Variants in KLHL7 observed in about 807,000 individuals in gnomAD.
The protein encoded by KLHL7 is kelch-like protein 7.
In KLHL7, 44 loss-of-function variants were observed where a neutral mutation model predicts 67.4. The observed-to-expected ratio is 0.65, with a 90% CI of 0.51 to 0.84. The LOEUF is 0.84. Ranked by LOEUF, KLHL7 falls within the 40% of genes least tolerant of loss-of-function variation. KLHL7 has a pLI of 0.00. For synonymous variants in KLHL7, 252 were observed against 243.3 expected (o/e 1.04, Z -0.33); for missense variants, 362 against 718.1 (o/e 0.50, Z 5.67).
intron 4 of KLHL7, among the ~76,000 whole-genome samples, chr7:23,133,916 C>T (rs1783886666): frequency 7.9e-5 from 12 of 152,114 alleles, no homozygotes. Flanking sequence ...TTTATTTCTT[C>T]CTTTCTGGTT....
In KLHL7 at chr7:23,167,693, C is replaced by T. The variant is rs1785042391; in HGVS notation, c.1178-143C>T. ...TTAGCGTTTTCTTAAACTATTCCTACACTTTGTTGTTGTTGATTGAGTATG... is the reference window on the plus strand; with the variant it reads ...TTAGCGTTTTCTTAAACTATTCCTATACTTTGTTGTTGTTGATTGAGTATG... On this transcript the variant is annotated intron_variant, in intron 8 of 10. Coordinates refer to ENST00000339077, the MANE Select transcript of KLHL7 (RefSeq NM_001031710.3). The T allele has an allele frequency of 1.4e-5, 10 of 703,932 alleles. 1 individual carries two copies. Among genetic ancestry groups the T allele is most frequent in the South Asian group, 1.1e-4 (7 of 61,362 alleles). The allele number at this position is 703,932 out of a possible 1,614,324, so 43.6% of individuals were successfully genotyped here.
At chr7:23,166,193 A>G (rs1400290004) in intron 8 of KLHL7, among the ~76,000 whole-genome samples, 1 of 152,204 alleles carries the variant, frequency 6.6e-6, no homozygotes, top group East Asian at 1.9e-4. Context: ...AGTTGACATT[A>G]TCTGAATTAT....
chr7:23,120,262 G>T (rs984425529), intron 1 of KLHL7, among the ~76,000 whole-genome samples: 4 of 151,992 alleles, frequency 2.6e-5, no homozygotes, highest in African/African-American at 9.7e-5. Flanking sequence ...TGCCCACCTC[G>T]GCCTTCCAAA....
chr7:23,105,800 A>T lies in KLHL7; in HGVS notation c.-227A>T. On this transcript the variant is annotated 5_prime_UTR_variant, in exon 1 of 11. Transcript: ENST00000339077. ...GGCAGGGCTCGGGTTCTGCCCGGGGACGCAGCCCAGTTGGTAGCGTCGCTC... is the reference window on the plus strand; with the variant it reads ...GGCAGGGCTCGGGTTCTGCCCGGGGTCGCAGCCCAGTTGGTAGCGTCGCTC... 3.4e-6 allele frequency: 2 copies of T among 590,182 alleles called. No individual in the cohort carries two copies. The highest frequency in any genetic ancestry group is 3.0e-6 in the Non-Finnish European group (1 of 337,938). 36.6% of individuals were successfully genotyped at this position (590,182 alleles called of 1,614,324 possible).
Position 23,148,386 on chromosome 7 carries a change from C to G in KLHL7, c.794-3681C>G, listed in dbSNP as rs1383033920. On this transcript the variant is annotated intron_variant, in intron 6 of 10. Transcript: ENST00000339077. ...TACAAATACCTATATTTAAGGGGTA[C>G]AAGAAAATTAAAAAAAAAAAAAAAC... Among the ~76,000 whole-genome samples, 7 of 118,992 alleles carry G rather than the reference C, an allele frequency of 5.9e-5. No homozygotes were observed. The East Asian group carries it at 1.6e-3, about 28-fold the overall frequency. The allele number at this position is 118,992 out of a possible 152,430, so 78.1% of individuals were successfully genotyped here. A position where few individuals can be genotyped will look rare whatever the true frequency, so the allele number is the denominator to read the frequency against.
intron 1 of KLHL7, among the ~76,000 whole-genome samples, chr7:23,120,019 T>G (rs1783265735): frequency 6.6e-6 from 1 of 152,136 alleles, no homozygotes; most frequent in Non-Finnish European, 1.5e-5. Flanking sequence ...TTATTTTATT[T>G]ATTTTATTTT....
At chr7:23,127,368 G>A (rs185783407) in intron 4 of KLHL7, among the ~76,000 whole-genome samples, 4 of 152,256 alleles carry the variant, frequency 2.6e-5, no homozygotes, top group Admixed American at 6.5e-5. Context: ...AGGAAGGACA[G>A]CCCCGCCACC....
rs149801497 is a variant in KLHL7 at position 23,124,190 on chromosome 7, C to CAAAAAAAAAA, written c.223+334_223+343dup. On this transcript the variant is annotated intron_variant, in intron 2 of 10. Transcript: ENST00000339077. The stretch of plus-strand genomic sequence containing the variant: ...TGGGCGTCAGAGCGAGACTCTGTCT[C>CAAAAAAAAAA]AAAAAAAAAAAAAAAAAAAAAAAAA... Among the ~76,000 whole-genome samples, 4 of 25,868 alleles carry CAAAAAAAAAA rather than the reference C, an allele frequency of 1.5e-4. 1 individual carries two copies. Among genetic ancestry groups the CAAAAAAAAAA allele is most frequent in the African/African-American group, 3.2e-4 (2 of 6,294 alleles). 17.0% of individuals were successfully genotyped at this position (25,868 alleles called of 152,430 possible).
At position 23,174,056 on chromosome 7, in the gene KLHL7, G is replaced by A. The variant is rs1288384106; in HGVS notation, c.1519G>A (p.Glu507Lys). Residue 507 changes from glutamate to lysine, a missense_variant, in exon 11 of 11, where the codon GAA becomes AAA. Transcript: ENST00000339077. Reference protein sequence around the residue: ...NVEYYDIKLNEWKMVSPMPWK... With the variant: ...NVEYYDIKLNKWKMVSPMPWK... Reference sequence around the variant, plus strand: ...GGAATATTACGATATTAAGTTGAACGAATGGAAGATGGTCTCACCAATGCC... The same window carrying A: ...GGAATATTACGATATTAAGTTGAACAAATGGAAGATGGTCTCACCAATGCC... The A allele has an allele frequency of 3.1e-6, 5 of 1,613,998 alleles. No individual in the cohort carries two copies. Among genetic ancestry groups the A allele is most frequent in the South Asian group, 1.1e-5 (1 of 91,082 alleles).
intron 7 of KLHL7, 62 bp from the exon 8 acceptor site, chr7:23,165,636 C>T: frequency 6.4e-7 from 1 of 1,566,660 alleles, no homozygotes; most frequent in Non-Finnish European, 8.8e-7. Flanking sequence ...TGTATCTTTG[C>T]ATTGTCCTTT....
chr7:23,116,607 T>G (rs1783099628), intron 1 of KLHL7, among the ~76,000 whole-genome samples: 1 of 152,240 alleles, frequency 6.6e-6, no homozygotes, highest in African/African-American at 2.4e-5. Context: ...TTGTTTTGCT[T>G]GCATACATAT....
At chr7:23,170,510 G>T (rs858267) in intron 9 of KLHL7, among the ~76,000 whole-genome samples, 9,602 of 152,238 alleles carry the variant, frequency 0.063, 466 homozygotes, top group African/African-American at 0.13. Context: ...CAGTAGTACA[G>T]TAGGGAGACT....
At chr7:23,152,452 C>G (rs1784566435) in intron 7 of KLHL7, among the ~76,000 whole-genome samples, 1 of 152,032 alleles carries the variant, frequency 6.6e-6, no homozygotes, top group Non-Finnish European at 1.5e-5. Context: ...AAAAGGGAAA[C>G]TAGTTCTTCC....
intron 4 of KLHL7, chr7:23,125,946 C>T: frequency 6.9e-6 from 8 of 1,151,398 alleles, no homozygotes; most frequent in Non-Finnish European, 1.0e-5. Flanking sequence ...CCTATATATA[C>T]TGTGTTTTTT....
intron 4 of KLHL7, 44 bp downstream of exon 4, chr7:23,125,216 C>A (rs776033121): frequency 6.3e-7 from 1 of 1,590,532 alleles, no homozygotes. Context: ...TTTGTTTTAT[C>A]CTTTATTTCT....
At chr7:23,108,659 C>T (rs1421669659) in intron 1 of KLHL7, among the ~76,000 whole-genome samples, 1 of 152,180 alleles carries the variant, frequency 6.6e-6, no homozygotes, top group Non-Finnish European at 1.5e-5. Context: ...CTTCTAAGGG[C>T]ACTATGCACC....
chr7:23,106,044 G>A lies in KLHL7; in HGVS notation c.18G>A (p.Val6=), dbSNP rs754933316. 6.2e-7 allele frequency: 1 copy of A among 1,610,268 alleles called. No homozygotes were observed. MAASG[V]EKSSKKKTEK... ...GAGGGAGGATGGCAGCCTCTGGGGTGGAGAAGAGCAGCAAGAAGAAGACCG... is the reference window on the plus strand; with the variant it reads ...GAGGGAGGATGGCAGCCTCTGGGGTAGAGAAGAGCAGCAAGAAGAAGACCG... The change falls in exon 1 of 11, where the codon GTG becomes GTA. Residue 6 remains valine, a synonymous_variant. Transcript: ENST00000339077.
intron 4 of KLHL7, among the ~76,000 whole-genome samples, chr7:23,135,642 A>C (rs781460485): frequency 2.6e-5 from 4 of 152,236 alleles, no homozygotes; most frequent in Non-Finnish European, 5.9e-5. Flanking sequence ...AGTCTTTATT[A>C]GAATAAAACA....
chr7:23,142,932 G>A (rs1054582428), intron 5 of KLHL7, among the ~76,000 whole-genome samples: 1 of 152,000 alleles, frequency 6.6e-6, no homozygotes, highest in African/African-American at 2.4e-5. Flanking sequence ...GTCAATATTG[G>A]TTCATTAGTT....
Sources: allele counts gnomAD v4.1 joint callset (sites outside exome capture counted in the v4.1 genomes callset), GRCh38; gene constraint gnomAD v4.1.1; transcripts MANE v1.5; gene names NCBI Gene and HGNC (gene_info 2026-07-23, HGNC 2026-07-21).